RBFOX1: variants seen among roughly 807,000 people sequenced by gnomAD.
RBFOX1 encodes RNA binding protein fox-1 homolog 1.
Under a neutral mutation model 57.7 loss-of-function variants are expected in RBFOX1, and 8 were observed. That is an observed-to-expected ratio of 0.14 (90% confidence interval 0.08 to 0.25). The LOEUF is 0.25. RBFOX1 is among the 10% of genes least tolerant of loss of function. The pLI, the probability that RBFOX1 is intolerant of heterozygous loss-of-function variation, is 1.00. For synonymous variants in RBFOX1, 326 were observed against 222.4 expected, an observed-to-expected ratio of 1.47 and a Z score of -4.15; for missense variants, 611 against 548.5, an observed-to-expected ratio of 1.11 and a Z score of -1.14.
intron 3 of RBFOX1, among the ~76,000 whole-genome samples, chr16:5,830,544 C>A (rs1205543068): frequency 6.6e-6 from 1 of 152,068 alleles, no homozygotes; most frequent in Non-Finnish European, 1.5e-5. Context: ...CACGTCCCAG[C>A]CAGAGTGGTG....
intron 3 of RBFOX1, among the ~76,000 whole-genome samples, chr16:6,780,496 ATTT>A (rs200881779): frequency 2.4e-5 from 3 of 123,600 alleles, no homozygotes; most frequent in Non-Finnish European, 4.8e-5. Context: ...ATTTATATAC[ATTT>A]TTATATATTT....
intron 2 of RBFOX1, among the ~76,000 whole-genome samples, chr16:6,625,047 C>G (rs1317789223): frequency 6.6e-6 from 1 of 150,982 alleles, no homozygotes; most frequent in Non-Finnish European, 1.5e-5. Context: ...GGCTTATAAT[C>G]CCAGCTGTTT....
intron 1 of RBFOX1, among the ~76,000 whole-genome samples, chr16:6,203,483 T>C (rs1036375948): frequency 6.6e-6 from 1 of 152,224 alleles, no homozygotes; most frequent in African/African-American, 2.4e-5. Context: ...TATCCATTCA[T>C]TGTTGATGGA....
chr16:5,695,150 A>G lies in RBFOX1; in HGVS notation c.318+96189A>G, dbSNP rs567636316. 3.9e-5 allele frequency among the ~76,000 whole-genome samples: 6 copies of G among 152,194 alleles called. 1 individual carries two copies. In the South Asian group the frequency reaches 1.2e-3, roughly 32 times the overall value. ...TGACATAAATTAGGGTGAGATATTT[A>G]GTGTATTTCCTTTCAGTTTTTTCAC... On this transcript the variant is annotated intron_variant, in intron 3 of 19. Transcript: ENST00000641259.
chr16:6,549,913 C>G (rs73534899), intron 2 of RBFOX1, among the ~76,000 whole-genome samples: 2,594 of 152,214 alleles, frequency 0.017, 58 homozygotes, highest in African/African-American at 0.059. Flanking sequence ...CTACCCAGCT[C>G]AGTTTGCTCT....
At position 6,612,960 on chromosome 16, in the gene RBFOX1, C is replaced by G. The variant is rs114038823; in HGVS notation, c.-63-41643C>G. 7.5e-3 allele frequency among the ~76,000 whole-genome samples: 1,133 copies of G among 151,832 alleles called. 11 individuals are homozygous for G. The highest frequency in any genetic ancestry group is 0.025 in the African/African-American group (1,037 of 41,350). On this transcript the variant is annotated intron_variant, in intron 2 of 15. Transcript: ENST00000550418. ...CAGTTTGACAAACAAAGCCCCCGTA[C>G]AGTTCACGTGCCAAGTGAGAGAAGG... is the stretch of plus-strand genomic sequence containing the variant.
intron 1 of RBFOX1, among the ~76,000 whole-genome samples, chr16:6,033,690 T>C (rs2095322473): frequency 6.6e-6 from 1 of 152,260 alleles, no homozygotes; most frequent in Non-Finnish European, 1.5e-5. Context: ...TTAATTGGCC[T>C]CCTTTTGATG....
At chr16:6,516,227 C>A (rs1040745816) in intron 2 of RBFOX1, among the ~76,000 whole-genome samples, 1 of 152,088 alleles carries the variant, frequency 6.6e-6, no homozygotes, top group African/African-American at 2.4e-5. Context: ...CAGGATTTTG[C>A]CATGTTGGCC....
chr16:7,473,536 A>T (rs919861602), intron 4 of RBFOX1, among the ~76,000 whole-genome samples: 7 of 149,150 alleles, frequency 4.7e-5, no homozygotes, highest in Non-Finnish European at 1.0e-4. Context: ...TATATAAAGG[A>T]CCTTGACTAT....
intron 3 of RBFOX1, among the ~76,000 whole-genome samples, chr16:6,710,810 C>T (rs1316912934): frequency 6.6e-6 from 1 of 152,188 alleles, no homozygotes; most frequent in Non-Finnish European, 1.5e-5. Flanking sequence ...AATGAGAGAT[C>T]CTCTTCCCCT....
chr16:6,672,590 A>G lies in RBFOX1; in HGVS notation c.-16+17940A>G, dbSNP rs535785630. 2.6e-4 allele frequency among the ~76,000 whole-genome samples: 39 copies of G among 152,272 alleles called. No individual in the cohort carries two copies. In the South Asian group the frequency reaches 8.1e-3, roughly 32 times the overall value. On this transcript the variant is annotated intron_variant, in intron 3 of 15. Coordinates refer to ENST00000550418, the MANE Select transcript of RBFOX1 (RefSeq NM_018723.4). Reference sequence around the variant, plus strand: ...AGAGAAGAAATTCTGTTTATGTGACAGAATCTTAAACAAGCATATAAGACT... The same window carrying G: ...AGAGAAGAAATTCTGTTTATGTGACGGAATCTTAAACAAGCATATAAGACT...
chr16:6,760,577 A>G (rs1432071938), intron 3 of RBFOX1, among the ~76,000 whole-genome samples: 1 of 152,206 alleles, frequency 6.6e-6, no homozygotes, highest in African/African-American at 2.4e-5. Context: ...ACAGTTTAGC[A>G]TTTGATCTTG....
At chr16:6,606,800 T>A (rs1235011498) in intron 2 of RBFOX1, among the ~76,000 whole-genome samples, 1 of 152,220 alleles carries the variant, frequency 6.6e-6, no homozygotes, top group Admixed American at 6.5e-5. Flanking sequence ...CTACAGTGAA[T>A]AGTGCTGCAG....
At chr16:6,182,180 A>T (rs2097068538) in intron 1 of RBFOX1, among the ~76,000 whole-genome samples, 1 of 152,180 alleles carries the variant, frequency 6.6e-6, no homozygotes, top group Non-Finnish European at 1.5e-5. Flanking sequence ...CTGGGAAAGA[A>T]AATTGGGATG....
At chr16:6,322,586 G>A (rs183391455) in intron 2 of RBFOX1, among the ~76,000 whole-genome samples, 19 of 152,264 alleles carry the variant, frequency 1.2e-4, no homozygotes, top group Non-Finnish European at 1.6e-4. Flanking sequence ...TTTCAACGTA[G>A]GAAGTTGACC....
At chr16:5,518,373 A>T (rs995607137) in intron 2 of RBFOX1, among the ~76,000 whole-genome samples, 2 of 152,054 alleles carry the variant, frequency 1.3e-5, no homozygotes, top group Admixed American at 6.6e-5. Context: ...GACCCTCACC[A>T]TTGCCCTTCA....
intron 4 of RBFOX1, among the ~76,000 whole-genome samples, chr16:7,198,199 G>A (rs1311852850): frequency 2.0e-5 from 3 of 151,808 alleles, no homozygotes; most frequent in African/African-American, 7.3e-5. Context: ...TAGAGACGGG[G>A]TTTCACCGTG....
At chr16:6,859,698 T>A (rs538095764) in intron 3 of RBFOX1, among the ~76,000 whole-genome samples, 1 of 152,300 alleles carries the variant, frequency 6.6e-6, no homozygotes, top group Non-Finnish European at 1.5e-5. Context: ...TTTAATCGAC[T>A]ACGGTATCAG....
chr16:5,979,987 G>C (rs139514131), intron 4 of RBFOX1, among the ~76,000 whole-genome samples: 514 of 152,306 alleles, frequency 3.4e-3, no homozygotes, highest in African/African-American at 0.012. Flanking sequence ...CCAGAGTCCA[G>C]ACTCTTGCCT....
Sources: allele counts gnomAD v4.1 joint callset (sites outside exome capture counted in the v4.1 genomes callset), GRCh38; gene constraint gnomAD v4.1.1; transcripts MANE v1.5; gene names NCBI Gene and HGNC (gene_info 2026-07-23, HGNC 2026-07-21).